The following FAM13A variants were observed in gnomAD, a reference collection of about 807,000 sequenced individuals.
The protein encoded by FAM13A is family with sequence similarity 13 member A.
FAM13A carries 76 observed loss-of-function variants against 129.6 expected under a neutral mutation model. The observed-to-expected ratio is 0.59, with a 90% CI of 0.49 to 0.71. The LOEUF (loss-of-function observed/expected upper bound fraction) is 0.71. Among genes scored for constraint, FAM13A ranks in the 30% least tolerant of loss-of-function variants. FAM13A has a pLI of 0.00. For synonymous variants in FAM13A, 443 were observed against 449.9 expected (o/e 0.98, Z 0.20); for missense variants, 1,108 against 1,249.3 (o/e 0.89, Z 1.70).
chr4:88,732,292 C>T, intron 21 of FAM13A, 94 bp from the exon 22 acceptor site: 1 of 868,226 alleles, frequency 1.2e-6, no homozygotes. Context: ...AATTATCAGA[C>T]TCCATATAGT....
intron 7 of FAM13A, among the ~76,000 whole-genome samples, chr4:88,825,165 CT>C (rs1732753103): frequency 6.6e-6 from 1 of 151,492 alleles, no homozygotes. Flanking sequence ...CTGGAACTCG[CT>C]GCTATATAGA....
At chr4:88,858,761 A>C (rs779810272) in intron 6 of FAM13A, among the ~76,000 whole-genome samples, 4 of 152,162 alleles carry the variant, frequency 2.6e-5, no homozygotes, top group Non-Finnish European at 5.9e-5. Flanking sequence ...GCAAATGGGT[A>C]TGGGGTTTCT....
intron 7 of FAM13A, among the ~76,000 whole-genome samples, chr4:88,836,289 C>A (rs958725571): frequency 6.6e-6 from 1 of 152,140 alleles, no homozygotes; most frequent in Non-Finnish European, 1.5e-5. Context: ...TTTTGTAACA[C>A]TATTTTTCAT....
At chr4:88,917,927 G>T (rs1750367215) in intron 5 of FAM13A, among the ~76,000 whole-genome samples, 1 of 152,096 alleles carries the variant, frequency 6.6e-6, no homozygotes, top group South Asian at 2.1e-4. Context: ...ATTTTGACCA[G>T]AAATGAGAAG....
chr4:88,826,123 G>A (rs895243017), intron 7 of FAM13A, among the ~76,000 whole-genome samples: 3 of 151,938 alleles, frequency 2.0e-5, no homozygotes, highest in African/African-American at 4.8e-5. Context: ...TTTCAAACAC[G>A]GTATTTCAAC....
At chr4:88,876,615 A>G (rs971336319) in intron 6 of FAM13A, among the ~76,000 whole-genome samples, 8 of 151,798 alleles carry the variant, frequency 5.3e-5, no homozygotes, top group Admixed American at 2.0e-4. Flanking sequence ...TTTTTGAGAC[A>G]GAGTCTCGCT....
At chr4:89,029,904 G>GT in intron 1 of FAM13A, 1 of 452,626 alleles carries the variant, frequency 2.2e-6, no homozygotes, top group South Asian at 2.7e-5. Flanking sequence ...ATACACTGCC[G>GT]TATCTAAGAT....
chr4:88,853,948 A>G (rs1738055387), intron 6 of FAM13A, among the ~76,000 whole-genome samples: 2 of 152,136 alleles, frequency 1.3e-5, no homozygotes, highest in Non-Finnish European at 2.9e-5. Flanking sequence ...TTGGACTTAC[A>G]CCAGTGGTTT....
chr4:88,948,833 C>CT (rs1318871041), intron 4 of FAM13A, among the ~76,000 whole-genome samples: 1 of 152,116 alleles, frequency 6.6e-6, no homozygotes, highest in African/African-American at 2.4e-5. Context: ...TTATGACTGT[C>CT]TGAGAGCAAT....
intron 11 of FAM13A, among the ~76,000 whole-genome samples, chr4:88,779,356 G>A (rs1285550922): frequency 1.3e-5 from 2 of 152,098 alleles, no homozygotes; most frequent in Non-Finnish European, 2.9e-5. Flanking sequence ...AAATAAGGGG[G>A]AAGTGAAGAT....
chr4:88,927,381 G>C (rs1260267032), intron 5 of FAM13A, among the ~76,000 whole-genome samples: 1 of 149,802 alleles, frequency 6.7e-6, no homozygotes, highest in African/African-American at 2.5e-5. Context: ...ATATAAGATT[G>C]TATAATCAAT....
At chr4:88,852,771 T>C (rs550785792) in intron 6 of FAM13A, among the ~76,000 whole-genome samples, 26 of 152,300 alleles carry the variant, frequency 1.7e-4, no homozygotes, top group Non-Finnish European at 2.8e-4. Context: ...TCTTAAGACA[T>C]TGACTATCCC....
intron 19 of FAM13A, among the ~76,000 whole-genome samples, chr4:88,745,601 C>G (rs1418855928): frequency 6.6e-6 from 1 of 152,176 alleles, no homozygotes; most frequent in Non-Finnish European, 1.5e-5. Flanking sequence ...GAGCAGGGTT[C>G]TAAGCCTATT....
intron 4 of FAM13A, among the ~76,000 whole-genome samples, chr4:88,972,299 CTTTTTTTT>C (rs57674045): frequency 5.1e-4 from 70 of 137,624 alleles, no homozygotes; most frequent in Admixed American, 5.8e-4. Flanking sequence ...TTCTCCTTCA[CTTTTTTTT>C]TTTTTTTTTT....
chr4:88,845,963 C>T (rs1373092921), intron 7 of FAM13A, among the ~76,000 whole-genome samples: 1 of 152,086 alleles, frequency 6.6e-6, no homozygotes, highest in East Asian at 1.9e-4. Flanking sequence ...AAGAACACAC[C>T]TGTAACATAA....
intron 19 of FAM13A, among the ~76,000 whole-genome samples, chr4:88,745,730 T>C (rs1267348383): frequency 1.3e-5 from 2 of 152,188 alleles, no homozygotes; most frequent in Non-Finnish European, 2.9e-5. Flanking sequence ...CATTTACTAT[T>C]TGGTTCAATG....
In FAM13A at chr4:88,893,397, G is replaced by A. The variant is rs376368918; in HGVS notation, c.843+12982C>T. Among the ~76,000 whole-genome samples the A allele has an allele frequency of 1.9e-4, 29 of 152,282 alleles. 2 individuals are homozygous for A. The highest frequency in any genetic ancestry group is 7.0e-4 in the African/African-American group (29 of 41,566). On this transcript the variant is annotated intron_variant, in intron 6 of 23. Coordinates refer to ENST00000264344, the MANE Select transcript of FAM13A (RefSeq NM_014883.4). ...CCCAGCACTTTGGGAGGCCAAGGCG[G>A]GCGGATCACGAGGTCATGAGATTGA...
chr4:88,991,863 CT>C (rs1378983177), intron 3 of FAM13A, among the ~76,000 whole-genome samples: 2 of 152,106 alleles, frequency 1.3e-5, no homozygotes, highest in Non-Finnish European at 2.9e-5. Flanking sequence ...CAAGAGTCCA[CT>C]TTTAGTAAGA....
In FAM13A at chr4:88,728,151, TG is replaced by T; in HGVS notation, c.*381del. The stretch of plus-strand genomic sequence containing the variant: ...GTTTTTATCACAGTTAGACAGAGAA[TG>T]GTCTCTTGTTTCTCAGTTATCCAGG... On this transcript the variant is annotated 3_prime_UTR_variant, in exon 24 of 24. Transcript: ENST00000264344. The T allele has an allele frequency of 5.5e-6, 1 of 183,158 alleles. No homozygotes were observed. The highest frequency in any genetic ancestry group is 1.4e-4 in the East Asian group (1 of 7,214). The allele number at this position is 183,158 out of a possible 1,614,324, so 11.3% of individuals were successfully genotyped here.
Sources: allele counts gnomAD v4.1 joint callset (sites outside exome capture counted in the v4.1 genomes callset), GRCh38; gene constraint gnomAD v4.1.1; transcripts MANE v1.5; gene names NCBI Gene and HGNC (gene_info 2026-07-23, HGNC 2026-07-21).